The following TANC2 variants were observed in gnomAD, a reference collection of about 807,000 sequenced individuals.
The protein encoded by TANC2 is protein TANC2.
TANC2 carries 26 observed loss-of-function variants against 210.5 expected under a neutral mutation model. The observed-to-expected ratio is 0.12, with a 90% CI of 0.09 to 0.17. The LOEUF is 0.17. Among genes scored for constraint, TANC2 ranks in the 10% least tolerant of loss-of-function variants. The pLI is 1.00. For synonymous variants in TANC2, 931 were observed against 967.1 expected (o/e 0.96, Z 0.69); for missense variants, 2,129 against 2,608.9 (o/e 0.82, Z 4.01).
At chr17:63,204,807 A>G (rs2041646915) in intron 7 of TANC2, among the ~76,000 whole-genome samples, 1 of 152,126 alleles carries the variant, frequency 6.6e-6, no homozygotes, top group Non-Finnish European at 1.5e-5. Flanking sequence ...ATAGGGGGCC[A>G]GGTGCAGTGG....
At chr17:63,271,777 T>A (rs924982454) in intron 9 of TANC2, among the ~76,000 whole-genome samples, 2 of 151,812 alleles carry the variant, frequency 1.3e-5, no homozygotes, top group East Asian at 3.9e-4. Flanking sequence ...TATCTGTTTT[T>A]TCTTAACAAA....
intron 8 of TANC2, among the ~76,000 whole-genome samples, chr17:63,246,041 C>T (rs1026471445): frequency 6.6e-6 from 1 of 151,502 alleles, no homozygotes; most frequent in African/African-American, 2.4e-5. Flanking sequence ...TGTATGTAGG[C>T]CTGTTGTCTC....
intron 12 of TANC2, among the ~76,000 whole-genome samples, chr17:63,344,985 G>C (rs1431083481): frequency 6.6e-6 from 1 of 152,144 alleles, no homozygotes; most frequent in African/African-American, 2.4e-5. Context: ...ACAAACCACA[G>C]GGAGAGTCTA....
intron 5 of TANC2, among the ~76,000 whole-genome samples, chr17:63,183,270 A>G (rs1387608776): frequency 1.3e-5 from 2 of 152,224 alleles, no homozygotes; most frequent in East Asian, 1.9e-4. Context: ...GCCAGCATAA[A>G]TCTTCCACAG....
chr17:63,041,347 G>GT (rs1233524715), intron 2 of TANC2, among the ~76,000 whole-genome samples: 3 of 152,068 alleles, frequency 2.0e-5, no homozygotes, highest in African/African-American at 7.2e-5. Flanking sequence ...GATCTAAAAT[G>GT]TTATATAATC....
intron 3 of TANC2, among the ~76,000 whole-genome samples, chr17:63,083,450 G>A (rs2036851136): frequency 6.6e-6 from 1 of 152,188 alleles, no homozygotes; most frequent in Non-Finnish European, 1.5e-5. Flanking sequence ...GGGAAAAAAA[G>A]GGGGAGATTT....
At chr17:63,156,718 T>C (rs76775357) in intron 5 of TANC2, among the ~76,000 whole-genome samples, 1 of 151,938 alleles carries the variant, frequency 6.6e-6, no homozygotes, top group Non-Finnish European at 1.5e-5. Flanking sequence ...CTTTTTTTTT[T>C]CTCTCTCTCT....
chr17:63,337,027 G>C (rs2046054774), intron 11 of TANC2, among the ~76,000 whole-genome samples: 1 of 152,290 alleles, frequency 6.6e-6, no homozygotes, highest in African/African-American at 2.4e-5. Flanking sequence ...TTTTTATACA[G>C]AGGGAAAGTT....
intron 4 of TANC2, among the ~76,000 whole-genome samples, chr17:63,138,672 T>G (rs1000628758): frequency 2.0e-5 from 3 of 152,216 alleles, no homozygotes; most frequent in African/African-American, 7.2e-5. Context: ...GAAACATGTT[T>G]TTAAAAGATT....
chr17:63,173,157 C>G (rs1463835663), intron 5 of TANC2, among the ~76,000 whole-genome samples: 3 of 152,086 alleles, frequency 2.0e-5, no homozygotes, highest in Admixed American at 2.0e-4. Context: ...AGGAAAATAT[C>G]TGTTAGCAAA....
At chr17:63,234,632 C>T (rs1332544250) in intron 7 of TANC2, among the ~76,000 whole-genome samples, 1 of 140,150 alleles carries the variant, frequency 7.1e-6, no homozygotes, top group Non-Finnish European at 1.6e-5. Context: ...GAGCTGGGTG[C>T]TAAAAGTTTT....
At chr17:63,374,252 A>G (rs1373666779) in intron 14 of TANC2, among the ~76,000 whole-genome samples, 1 of 152,000 alleles carries the variant, frequency 6.6e-6, no homozygotes, top group African/African-American at 2.4e-5. Flanking sequence ...TACCCAGGCT[A>G]GTCTTGGACT....
At chr17:63,106,899 G>T (rs887891116) in intron 4 of TANC2, among the ~76,000 whole-genome samples, 2 of 151,496 alleles carry the variant, frequency 1.3e-5, no homozygotes, top group Non-Finnish European at 2.9e-5. Flanking sequence ...TTTATAAAAG[G>T]ATTATTTGTA....
chr17:63,409,439 G>A lies in TANC2; in HGVS notation c.3590-2072G>A, dbSNP rs563483114. Among the ~76,000 whole-genome samples, 224 of 152,100 alleles carry A rather than the reference G, an allele frequency of 1.5e-3. 1 individual carries two copies. Among genetic ancestry groups the A allele is most frequent in the Admixed American group, 5.4e-3 (83 of 15,270 alleles). ...GGCCTCAAGCAGTCCTCCCACCTCG[G>A]CCTCCAAAAGTGCTGGGATTATAGG... On this transcript the variant is annotated intron_variant, in intron 21 of 27. Transcript: ENST00000689528.
At position 63,347,041 on chromosome 17, in the gene TANC2, T is replaced by C. The variant is rs774913983; in HGVS notation, c.1808-4209T>C. On this transcript the variant is annotated intron_variant, in intron 12 of 27. Coordinates refer to ENST00000689528, the Ensembl canonical transcript of TANC2. ...TACAAAGTTAAATGTACATCTACTT[T>C]ATGACCAAGCAACTCTATTGCTACG... Among the ~76,000 whole-genome samples, 41 of 152,228 alleles carry C rather than the reference T, an allele frequency of 2.7e-4. 1 individual carries two copies. Among genetic ancestry groups the C allele is most frequent in the Non-Finnish European group, 4.6e-4 (31 of 68,038 alleles).
chr17:63,222,441 C>T (rs1054406236), intron 7 of TANC2, among the ~76,000 whole-genome samples: 1 of 152,000 alleles, frequency 6.6e-6, no homozygotes, highest in Non-Finnish European at 1.5e-5. Context: ...AAGCATTTTG[C>T]TACATAAAAC....
At chr17:63,351,214 G>A in intron 12 of TANC2, 36 bp from the exon 13 acceptor site, 2 of 1,537,642 alleles carry the variant, frequency 1.3e-6, no homozygotes. Flanking sequence ...TTATCCACTT[G>A]GTAATTATTA....
At chr17:63,055,893 C>G (rs1598325554) in intron 2 of TANC2, among the ~76,000 whole-genome samples, 1 of 138,466 alleles carries the variant, frequency 7.2e-6, no homozygotes, top group Non-Finnish European at 1.5e-5. Flanking sequence ...CCTGGGAGAC[C>G]AAGGTGGGAG....
chr17:63,113,505 TTTTACTTATTTTTTTCTTAAGAC>T (rs1485842438), intron 4 of TANC2, among the ~76,000 whole-genome samples: 22 of 152,134 alleles, frequency 1.4e-4, no homozygotes. Context: ...GGTTATTTCA[TTTTACTTATTTTTTTCTTAAGAC>T]ACAGAGTCCT....
Sources: allele counts gnomAD v4.1 joint callset (sites outside exome capture counted in the v4.1 genomes callset), GRCh38; gene constraint gnomAD v4.1.1; transcripts MANE v1.5; gene names NCBI Gene and HGNC (gene_info 2026-07-23, HGNC 2026-07-21).